Variants in NRG1 observed in about 807,000 individuals in gnomAD.
NRG1 encodes neuregulin 1, also known as pro-neuregulin-1, membrane-bound isoform.
NRG1 carries 18 observed loss-of-function variants against 63.8 expected under a neutral mutation model. That is an observed-to-expected ratio of 0.28 (90% confidence interval 0.19 to 0.42). The LOEUF is 0.42. Ranked by LOEUF, NRG1 falls within the 10% of genes least tolerant of loss-of-function variation. NRG1 has a pLI of 1.00. For missense variants in NRG1, 762 were observed against 814.7 expected (o/e 0.94, Z 0.79); for synonymous variants, 302 against 301.3 (o/e 1.00, Z -0.02).
At chr8:31,891,053 A>G (rs970499182) in intron 1 of NRG1, among the ~76,000 whole-genome samples, 1 of 152,220 alleles carries the variant, frequency 6.6e-6, no homozygotes, top group African/African-American at 2.4e-5. Flanking sequence ...AAAACCTTTT[A>G]GAAAAAAACA....
At chr8:31,696,382 A>G (rs1810062973) in intron 1 of NRG1, among the ~76,000 whole-genome samples, 1 of 152,210 alleles carries the variant, frequency 6.6e-6, no homozygotes, top group East Asian at 1.9e-4. Context: ...AGTGTTTAGT[A>G]TGTGCCAAGG....
chr8:32,232,420 A>G (rs2129469122), intron 1 of NRG1, among the ~76,000 whole-genome samples: 1 of 152,308 alleles, frequency 6.6e-6, no homozygotes, highest in Non-Finnish European at 1.5e-5. Context: ...AAGTAAGAAT[A>G]CATGATTTAA....
intron 5 of NRG1, among the ~76,000 whole-genome samples, chr8:32,666,494 G>C (rs530962994): frequency 6.6e-6 from 1 of 151,806 alleles, no homozygotes; most frequent in Non-Finnish European, 1.5e-5. Flanking sequence ...TCAAGAGGGG[G>C]AAAAAAAAGA....
At chr8:32,118,243 C>T (rs908629272) in intron 1 of NRG1, among the ~76,000 whole-genome samples, 4 of 152,016 alleles carry the variant, frequency 2.6e-5, no homozygotes, top group African/African-American at 9.7e-5. Context: ...TACATTAATG[C>T]CCTCCCTGGG....
At chr8:31,743,572 G>T (rs1195680758) in intron 1 of NRG1, among the ~76,000 whole-genome samples, 1 of 151,260 alleles carries the variant, frequency 6.6e-6, no homozygotes, top group Non-Finnish European at 1.5e-5. Flanking sequence ...GTGTGTGTGT[G>T]TGGGTGTGTG....
intron 1 of NRG1, among the ~76,000 whole-genome samples, chr8:31,862,222 C>T (rs927855402): frequency 4.6e-5 from 7 of 152,142 alleles, no homozygotes; most frequent in African/African-American, 1.7e-4. Context: ...AGACATTAAC[C>T]TTAAGTTATC....
intron 1 of NRG1, among the ~76,000 whole-genome samples, chr8:32,384,249 T>A (rs1698803282): frequency 6.6e-6 from 1 of 151,940 alleles, no homozygotes; most frequent in African/African-American, 2.4e-5. Context: ...AAGACAATAA[T>A]ATTATAAATA....
intron 5 of NRG1, among the ~76,000 whole-genome samples, chr8:32,649,011 C>CT (rs1404219891): frequency 6.6e-6 from 1 of 152,218 alleles, no homozygotes; most frequent in Non-Finnish European, 1.5e-5. Context: ...TTAGTGAGCA[C>CT]TTACTAGTGG....
chr8:32,689,391 A>T (rs1811008922), intron 5 of NRG1, among the ~76,000 whole-genome samples: 2 of 152,178 alleles, frequency 1.3e-5, no homozygotes, highest in Admixed American at 1.3e-4. Context: ...TGAAAATAAC[A>T]TAAAGAATGA....
At chr8:32,523,788 G>A (rs909920696) in intron 1 of NRG1, among the ~76,000 whole-genome samples, 5 of 151,824 alleles carry the variant, frequency 3.3e-5, no homozygotes, top group African/African-American at 9.7e-5. Context: ...AGGCAGAAGT[G>A]AGCGAGATCA....
rs151184648 is a variant in NRG1, at chr8:32,653,326, A to G, written c.502+36441A>G. ...TTTGAGATATTTCTTGCTTTCTTAT[A>G]CATATACCCTCTTCATTCAGCATTT... On this transcript the variant is annotated intron_variant, in intron 5 of 11. Coordinates refer to ENST00000356819, the Ensembl canonical transcript of NRG1. 3.8e-3 allele frequency among the ~76,000 whole-genome samples: 580 copies of G among 152,268 alleles called. 4 individuals are homozygous for G. Among genetic ancestry groups the G allele is most frequent in the African/African-American group, 0.013 (536 of 41,536 alleles).
chr8:31,835,237 C>T (rs118132311), intron 1 of NRG1, among the ~76,000 whole-genome samples: 96 of 152,314 alleles, frequency 6.3e-4, no homozygotes, highest in Non-Finnish European at 1.1e-3. Context: ...AGTCACACAG[C>T]TAATGAACAG....
At chr8:32,461,795 C>T (rs970926668) in intron 1 of NRG1, among the ~76,000 whole-genome samples, 2 of 152,190 alleles carry the variant, frequency 1.3e-5, no homozygotes, top group Non-Finnish European at 2.9e-5. Context: ...ACTTAATAAT[C>T]TAACCAACTA....
chr8:32,245,501 A>G (rs1303137135), intron 1 of NRG1, among the ~76,000 whole-genome samples: 1 of 152,160 alleles, frequency 6.6e-6, no homozygotes, highest in Non-Finnish European at 1.5e-5. Flanking sequence ...GAATTTGCAT[A>G]TGTATCAGTT....
chr8:32,030,015 G>T (rs548047639), intron 1 of NRG1, among the ~76,000 whole-genome samples: 2 of 151,818 alleles, frequency 1.3e-5, no homozygotes, highest in Admixed American at 1.3e-4. Flanking sequence ...TAAACTATTT[G>T]CCTACTTATT....
intron 5 of NRG1, among the ~76,000 whole-genome samples, chr8:32,677,866 A>G (rs903669145): frequency 1.3e-5 from 2 of 152,104 alleles, no homozygotes; most frequent in Admixed American, 6.6e-5. Flanking sequence ...GAGTAAGCAC[A>G]TTTCTAACAA....
chr8:32,325,522 G>A (rs1801891796), intron 1 of NRG1, among the ~76,000 whole-genome samples: 5 of 152,066 alleles, frequency 3.3e-5, no homozygotes, highest in Admixed American at 3.3e-4. Flanking sequence ...TGGGACTATA[G>A]GCATGTGCTG....
chr8:32,271,270 T>C (rs1304301548), intron 1 of NRG1, among the ~76,000 whole-genome samples: 1 of 152,180 alleles, frequency 6.6e-6, no homozygotes, highest in Non-Finnish European at 1.5e-5. Flanking sequence ...AAACCCTATA[T>C]AGATAGGAGT....
chr8:32,762,705 CAG>C (rs1830944510), intron 11 of NRG1, among the ~76,000 whole-genome samples: 1 of 152,068 alleles, frequency 6.6e-6, no homozygotes, highest in East Asian at 1.9e-4. Context: ...CTGTGAATGC[CAG>C]TGTGAAGAAA....
Sources: allele counts gnomAD v4.1 joint callset (sites outside exome capture counted in the v4.1 genomes callset), GRCh38; gene constraint gnomAD v4.1.1; transcripts MANE v1.5; gene names NCBI Gene and HGNC (gene_info 2026-07-23, HGNC 2026-07-21).